Variants in SOX6 observed in about 807,000 individuals in gnomAD.
The protein encoded by SOX6 is transcription factor SOX-6.
SOX6 carries 11 observed loss-of-function variants against 97.8 expected under a neutral mutation model. The ratio of observed to expected loss-of-function variants is 0.11; its 90% CI spans 0.07 to 0.19. SOX6 has a LOEUF of 0.19. Ranked by LOEUF, SOX6 falls within the 10% of genes least tolerant of loss-of-function variation. SOX6 has a pLI of 1.00. For missense variants in SOX6, 810 were observed against 1,039.5 expected (o/e 0.78, Z 3.04); for synonymous variants, 360 against 371.4 (o/e 0.97, Z 0.35).
At position 16,279,650 on chromosome 11, in the gene SOX6, A is replaced by G. The variant is rs539052529; in HGVS notation, c.445+38796T>C. Among the ~76,000 whole-genome samples the G allele has an allele frequency of 3.3e-5, 5 of 152,190 alleles. No homozygotes were observed. In the South Asian group the frequency reaches 6.2e-4, roughly 19 times the overall value. The stretch of plus-strand genomic sequence containing the variant: ...AGATGAAAACTTACATTTTCAAAAT[A>G]ACAGTATTTTAAATAAGATATGCTA... On this transcript the variant is annotated intron_variant, in intron 3 of 15. Coordinates refer to ENST00000683767, the MANE Select transcript of SOX6 (RefSeq NM_001367873.1).
At chr11:16,209,284 G>T (rs552731494) in intron 4 of SOX6, among the ~76,000 whole-genome samples, 1 of 151,994 alleles carries the variant, frequency 6.6e-6, no homozygotes, top group South Asian at 2.1e-4. Flanking sequence ...AGCTTTTCGG[G>T]GGTCTTCATT....
intron 4 of SOX6, among the ~76,000 whole-genome samples, chr11:16,206,614 C>T (rs1160123574): frequency 2.0e-5 from 3 of 152,076 alleles, no homozygotes; most frequent in African/African-American, 4.8e-5. Flanking sequence ...AGTGAGTTAA[C>T]GCAAGTTAAT....
At chr11:16,068,750 T>G (rs1281344262) in intron 9 of SOX6, among the ~76,000 whole-genome samples, 1 of 152,332 alleles carries the variant, frequency 6.6e-6, no homozygotes, top group Non-Finnish European at 1.5e-5. Flanking sequence ...CTTTTCAGTC[T>G]AAACTCAAGA....
chr11:16,373,244 G>A (rs1255102036), intron 1 of SOX6, among the ~76,000 whole-genome samples: 2 of 151,938 alleles, frequency 1.3e-5, no homozygotes, highest in African/African-American at 2.4e-5. Flanking sequence ...AACCACAAAG[G>A]ACAATTCACG....
intron 13 of SOX6, among the ~76,000 whole-genome samples, chr11:16,012,605 G>C (rs1013582920): frequency 1.3e-5 from 2 of 152,014 alleles, no homozygotes; most frequent in Non-Finnish European, 2.9e-5. Flanking sequence ...TAGGGCAGAG[G>C]AAATGGGCTG....
intron 4 of SOX6, among the ~76,000 whole-genome samples, chr11:16,574,963 C>G (rs1041734979): frequency 6.6e-6 from 1 of 151,582 alleles, no homozygotes. Context: ...TCGCTTGAAC[C>G]CAGGAGGCAG....
At chr11:16,200,574 T>C (rs1851907853) in intron 4 of SOX6, among the ~76,000 whole-genome samples, 1 of 152,182 alleles carries the variant, frequency 6.6e-6, no homozygotes, top group Non-Finnish European at 1.5e-5. Flanking sequence ...CTTTCTAAAA[T>C]GTAAATAGGA....
At position 16,536,667 on chromosome 11, in the gene SOX6, C is replaced by G. The variant is rs534400615; in HGVS notation, n.610-60279G>C. Reference sequence around the variant, plus strand: ...AGATTCCCTCCCATGTGTGGCTCGGCGGGTCCCATGCCCATGAAGCCTTGA... The same window carrying G: ...AGATTCCCTCCCATGTGTGGCTCGGGGGGTCCCATGCCCATGAAGCCTTGA... On this transcript the variant is annotated intron_variant and non_coding_transcript_variant, in intron 4 of 5. Coordinates refer to the SOX6 transcript ENST00000524520. Among the ~76,000 whole-genome samples the G allele has an allele frequency of 5.9e-5, 9 of 152,334 alleles. No individual in the cohort carries two copies. In the East Asian group the frequency reaches 1.7e-3, roughly 29 times the overall value.
intron 14 of SOX6, among the ~76,000 whole-genome samples, chr11:15,987,452 T>C (rs1853891001): frequency 6.6e-6 from 1 of 152,222 alleles, no homozygotes; most frequent in East Asian, 1.9e-4. Context: ...CGAAGAATTC[T>C]TGGTGCTCTT....
At chr11:16,291,002 T>C (rs1020390481) in intron 3 of SOX6, among the ~76,000 whole-genome samples, 3 of 152,000 alleles carry the variant, frequency 2.0e-5, no homozygotes, top group Admixed American at 6.6e-5. Context: ...CCTAATACTA[T>C]TCATTATTCC....
chr11:16,389,512 C>CT (rs758783296), intron 1 of SOX6, among the ~76,000 whole-genome samples: 1 of 151,824 alleles, frequency 6.6e-6, no homozygotes, highest in East Asian at 1.9e-4. Flanking sequence ...CCCTTTGGCT[C>CT]TTTTTAATAA....
intron 12 of SOX6, chr11:16,015,271 T>C (rs1156229069): frequency 1.7e-6 from 1 of 572,480 alleles, no homozygotes; most frequent in Non-Finnish European, 3.1e-6. Context: ...AAAGGAAAGC[T>C]GTGACAGGGA....
At chr11:16,496,849 G>A (rs1200686569) in intron 4 of SOX6, among the ~76,000 whole-genome samples, 4 of 152,210 alleles carry the variant, frequency 2.6e-5, no homozygotes. Context: ...GCCCACCGCA[G>A]GTCAAGGAGG....
At chr11:16,442,444 C>T (rs1859521600) in intron 1 of SOX6, among the ~76,000 whole-genome samples, 1 of 152,042 alleles carries the variant, frequency 6.6e-6, no homozygotes. Flanking sequence ...ATGAAGAAAC[C>T]AAAGTTATGC....
chr11:16,555,149 TAAAC>T (rs1469623841), intron 4 of SOX6, among the ~76,000 whole-genome samples: 2 of 151,744 alleles, frequency 1.3e-5, no homozygotes, highest in South Asian at 2.1e-4. Flanking sequence ...CAAAAATAAA[TAAAC>T]AAACAAACAG....
chr11:16,178,495 G>A (rs1851257639), intron 6 of SOX6, among the ~76,000 whole-genome samples: 1 of 151,922 alleles, frequency 6.6e-6, no homozygotes, highest in African/African-American at 2.4e-5. Flanking sequence ...ATAGAGAGAG[G>A]AAAGAGGGTC....
chr11:16,179,959 T>C (rs1214511698), intron 6 of SOX6, among the ~76,000 whole-genome samples: 1 of 151,854 alleles, frequency 6.6e-6, no homozygotes, highest in Non-Finnish European at 1.5e-5. Flanking sequence ...ATGAGCTGAA[T>C]TCTTTTGCAA....
rs140838037 is a variant in SOX6, at chr11:16,593,020, T to C, written n.609+19061A>G. ...GCTATGGCTCTCGGTAGTGAAATTA[T>C]AGATACTGGAGTTATCAGCAAGCTA... On this transcript the variant is annotated intron_variant and non_coding_transcript_variant, in intron 4 of 5. Transcript: ENST00000524520. Among the ~76,000 whole-genome samples the C allele has an allele frequency of 2.6e-5, 4 of 152,152 alleles. No homozygotes were observed. The East Asian group carries it at 5.8e-4, about 22-fold the overall frequency.
chr11:16,120,998 C>T (rs560517155), intron 6 of SOX6, among the ~76,000 whole-genome samples: 1 of 152,104 alleles, frequency 6.6e-6, no homozygotes, highest in South Asian at 2.1e-4. Context: ...TGTTAATAGC[C>T]CTGAAAGGGC....
Sources: gnomAD v4.1 joint callset for allele counts (sites outside exome capture counted in the v4.1 genomes callset) on GRCh38, gnomAD v4.1.1 for gene constraint, MANE v1.5 for transcripts, NCBI Gene and HGNC (gene_info 2026-07-23, HGNC 2026-07-21) for gene names.